HAVCR1: variants seen among roughly 807,000 people sequenced by gnomAD.
HAVCR1 encodes T cell immunoglobin domain and mucin domain protein 1.
A neutral mutation model predicts 32.0 loss-of-function variants in HAVCR1; 34 were observed. That is an observed-to-expected ratio of 1.06 (90% confidence interval 0.81 to 1.42). The LOEUF is 1.42. Among genes scored for constraint, HAVCR1 ranks in the 40% most tolerant of loss-of-function variants. HAVCR1 has a pLI of 0.00. For missense variants in HAVCR1, 420 were observed against 442.3 expected (o/e 0.95, Z 0.45); for synonymous variants, 178 against 170.3 (o/e 1.05, Z -0.35).
At chr5:157,057,461 AAG>A (rs1161892477) in intron 2 of HAVCR1, among the ~76,000 whole-genome samples, 32 of 129,744 alleles carry the variant, frequency 2.5e-4, no homozygotes, top group African/African-American at 7.2e-4. Context: ...GAAAGAAAGA[AAG>A]AGAATTGAAT....
intron 3 of HAVCR1, 95 bp downstream of exon 3, chr5:157,055,106 T>A (rs1756031756): frequency 3.0e-6 from 2 of 659,632 alleles, no homozygotes; most frequent in Admixed American, 5.4e-5. Context: ...AAACAGGACT[T>A]ACGGGAACCT....
intron 2 of HAVCR1, among the ~76,000 whole-genome samples, chr5:157,056,793 T>C (rs1426920773): frequency 1.3e-5 from 2 of 152,144 alleles, no homozygotes; most frequent in Non-Finnish European, 2.9e-5. Flanking sequence ...AGATTATTTT[T>C]CCCCCATAAT....
At chr5:157,044,422 AG>A (rs1296543456) in intron 5 of HAVCR1, among the ~76,000 whole-genome samples, 29 of 14,104 alleles carry the variant, frequency 2.1e-3, no homozygotes, top group African/African-American at 0.011. Context: ...GGAAGGAAGG[AG>A]AAAGAAAGAA....
At position 157,042,262 on chromosome 5, in the gene HAVCR1, G is replaced by A. The variant is rs568685458; in HGVS notation, c.837+365C>T. ...TCGAGACTATCCTGGCTAACACGGTGAAACCCCGTCTCTACTAAAAATACA... is the reference window on the plus strand; with the variant it reads ...TCGAGACTATCCTGGCTAACACGGTAAAACCCCGTCTCTACTAAAAATACA... On this transcript the variant is annotated intron_variant, in intron 6 of 8. Transcript: ENST00000523175. Among the ~76,000 whole-genome samples, 29 of 151,348 alleles carry A rather than the reference G, an allele frequency of 1.9e-4. No individual in the cohort carries two copies. The East Asian group carries it at 5.3e-3, about 28-fold the overall frequency.
chr5:157,065,709 G>C, the HAVCR1 span, among the ~76,000 whole-genome samples: 1 of 152,118 alleles, frequency 6.6e-6, no homozygotes, highest in African/African-American at 2.4e-5. Flanking sequence ...ACAAAAATTG[G>C]CCGGGTGTGA....
At chr5:157,059,512 T>C (rs41297575), upstream of HAVCR1, among the ~76,000 whole-genome samples, 92 of 152,024 alleles carry the variant, frequency 6.1e-4, no homozygotes, top group East Asian at 0.013. Flanking sequence ...CCGACTCTAC[T>C]AAAAATACAA....
intron 5 of HAVCR1, among the ~76,000 whole-genome samples, chr5:157,044,460 AAAGAAAGAAAGGAAGGAAGGAAGG>A (rs1452393317): frequency 5.4e-5 from 4 of 74,218 alleles, no homozygotes; most frequent in African/African-American, 1.8e-4. Context: ...AGAAAGAAAG[AAAGAAAGAAAGGAAGGAAGGAAGG>A]AAGGAAGGAA....
intron 6 of HAVCR1, among the ~76,000 whole-genome samples, chr5:157,041,117 CTTAAATTTTTCCCAAG>C (rs1199359135): frequency 1.3e-5 from 2 of 152,084 alleles, no homozygotes; most frequent in African/African-American, 4.8e-5. Flanking sequence ...GACTAAGTCC[CTTAAATTTTTCCCAAG>C]TTCACTGAGA....
rs1208289483 is a variant in HAVCR1, at chr5:157,029,560, A to C, written c.*173T>G. Reference sequence around the variant, plus strand: ...GACTACATTAATGATGAGGTTGACTATACACAGTTTGGAGTGAGAGAGTTA... The same window carrying C: ...GACTACATTAATGATGAGGTTGACTCTACACAGTTTGGAGTGAGAGAGTTA... On this transcript the variant is annotated 3_prime_UTR_variant, in exon 9 of 9. Coordinates refer to ENST00000523175, the MANE Select transcript of HAVCR1 (RefSeq NM_001173393.3). 1 of 1,509,596 alleles carries C rather than the reference A, an allele frequency of 6.6e-7. No homozygotes were observed. Among genetic ancestry groups the C allele is most frequent in the Non-Finnish European group, 8.9e-7 (1 of 1,121,810 alleles). 93.5% of individuals were successfully genotyped at this position (1,509,596 alleles called of 1,614,324 possible).
chr5:157,063,618 A>G (rs1756540203), upstream of HAVCR1, among the ~76,000 whole-genome samples: 1 of 152,226 alleles, frequency 6.6e-6, no homozygotes, highest in Non-Finnish European at 1.5e-5. Context: ...AAATAAATAT[A>G]CAGATTTTTA....
chr5:157,038,702 G>A (rs947597306), intron 6 of HAVCR1, among the ~76,000 whole-genome samples: 2 of 152,202 alleles, frequency 1.3e-5, no homozygotes, highest in Non-Finnish European at 2.9e-5. Flanking sequence ...CAGGGTGGGA[G>A]GGAAGTGTAA....
At chr5:157,055,102 G>A (rs1429661240) in intron 3 of HAVCR1, 99 bp downstream of exon 3, 2 of 637,484 alleles carry the variant, frequency 3.1e-6, no homozygotes, top group Non-Finnish European at 5.5e-6. Flanking sequence ...TTAAAAACAG[G>A]ACTTACGGGA....
At chr5:157,054,330 T>A (rs1390902321) in intron 3 of HAVCR1, among the ~76,000 whole-genome samples, 2 of 150,644 alleles carry the variant, frequency 1.3e-5, no homozygotes, top group Non-Finnish European at 3.0e-5. Flanking sequence ...TGAAACCCCA[T>A]CTCTACTAAC....
At chr5:157,061,191 C>A (rs1035254210), upstream of HAVCR1, among the ~76,000 whole-genome samples, 1 of 152,128 alleles carries the variant, frequency 6.6e-6, no homozygotes, top group African/African-American at 2.4e-5. Flanking sequence ...AGCCGCCATG[C>A]CTGGCCTAAA....
At chr5:157,046,631 T>C (rs183551818) in intron 5 of HAVCR1, among the ~76,000 whole-genome samples, 478 of 152,282 alleles carry the variant, frequency 3.1e-3, no homozygotes, top group Non-Finnish European at 5.4e-3. Flanking sequence ...AACAGAAATT[T>C]ATTGCTCACA....
intron 5 of HAVCR1, among the ~76,000 whole-genome samples, chr5:157,044,639 A>AAGAAAGAAAGAAAGAAAG (rs1755236342): frequency 1.8e-5 from 2 of 112,576 alleles, no homozygotes; most frequent in Non-Finnish European, 3.6e-5. Context: ...GAAAGAAAGA[A>AAGAAAGAAAGAAAGAAAG]AGAAAGAAAG....
At chr5:157,048,187 T>TTGGGGTCTGGGACTTGTCAGAAGCA in intron 5 of HAVCR1, among the ~76,000 whole-genome samples, 2 of 152,154 alleles carry the variant, frequency 1.3e-5, no homozygotes, top group African/African-American at 4.8e-5. Flanking sequence ...CTGGTACTTT[T>TTGGGGTCTGGGACTTGTCAGAAGCA]TGGGGTCTGG....
chr5:157,043,211 A>G (rs981557423), intron 5 of HAVCR1, among the ~76,000 whole-genome samples: 3 of 152,228 alleles, frequency 2.0e-5, no homozygotes, highest in Non-Finnish European at 2.9e-5. Flanking sequence ...ATGTGCTTAC[A>G]TTTTGATCTA....
chr5:157,056,248 G>A (rs1371977237), intron 2 of HAVCR1, among the ~76,000 whole-genome samples: 1 of 151,682 alleles, frequency 6.6e-6, no homozygotes, highest in Non-Finnish European at 1.5e-5. Context: ...AGACATTATA[G>A]CTGGAAGGTT....
Sources: gnomAD v4.1 joint callset for allele counts (sites outside exome capture counted in the v4.1 genomes callset) on GRCh38, gnomAD v4.1.1 for gene constraint, MANE v1.5 for transcripts, NCBI Gene and HGNC (gene_info 2026-07-23, HGNC 2026-07-21) for gene names.